CNN3: variants seen among roughly 807,000 people sequenced by gnomAD.
The protein encoded by CNN3 is calponin-3.
A neutral mutation model predicts 39.0 loss-of-function variants in CNN3; 11 were observed. The ratio of observed to expected loss-of-function variants is 0.28; its 90% CI spans 0.18 to 0.47. The LOEUF (loss-of-function observed/expected upper bound fraction) is 0.47. CNN3 is among the 20% of genes least tolerant of loss of function. The probability of loss-of-function intolerance (pLI) is 0.99; values close to 1 mark genes in which losing one functional copy is unlikely to be tolerated. For synonymous variants in CNN3, 101 were observed against 138.3 expected (o/e 0.73, Z 1.89); for missense variants, 266 against 403.4 (o/e 0.66, Z 2.92).
At chr1:94,918,175 A>T (rs553453540) in intron 1 of CNN3, among the ~76,000 whole-genome samples, 92 of 152,300 alleles carry the variant, frequency 6.0e-4, no homozygotes, top group African/African-American at 2.2e-3. Flanking sequence ...ACTAATGCAC[A>T]TGAATATATT....
At chr1:94,902,470 A>C (rs762170425) in intron 3 of CNN3, among the ~76,000 whole-genome samples, 2 of 152,172 alleles carry the variant, frequency 1.3e-5, no homozygotes, top group Non-Finnish European at 2.9e-5. Context: ...TCACAGTCTT[A>C]ATATTTTTAA....
At chr1:94,924,241 GC>G (rs1160033191) in intron 1 of CNN3, 10 of 152,170 alleles carry the variant, frequency 6.6e-5, no homozygotes, top group African/African-American at 2.4e-4. Context: ...AGCAAACATG[GC>G]TATTTGATTC....
intron 1 of CNN3, among the ~76,000 whole-genome samples, chr1:94,924,890 G>A (rs537955746): frequency 1.3e-5 from 2 of 152,274 alleles, no homozygotes; most frequent in African/African-American, 4.8e-5. Flanking sequence ...CTGTCTGAAA[G>A]GACTACAAAA....
chr1:94,907,726 G>A (rs928081157), intron 1 of CNN3, among the ~76,000 whole-genome samples: 3 of 152,196 alleles, frequency 2.0e-5, no homozygotes, highest in Admixed American at 6.5e-5. Flanking sequence ...CGGGTGTGGT[G>A]GCGGGCGCCT....
chr1:94,907,735 C>T (rs996042123), intron 1 of CNN3, among the ~76,000 whole-genome samples: 14 of 152,190 alleles, frequency 9.2e-5, no homozygotes, highest in Admixed American at 2.6e-4. Flanking sequence ...TGGCGGGCGC[C>T]TGTAGTCCCA....
intron 3 of CNN3, 103 bp downstream of exon 3, chr1:94,903,018 TA>T (rs372027375): frequency 0.11 from 62,730 of 590,326 alleles, 1 homozygote; most frequent in East Asian, 0.17. Context: ...ATCAAAAAGT[TA>T]AAAAAAAAAA....
chr1:94,919,878 C>G (rs997173905), intron 1 of CNN3, among the ~76,000 whole-genome samples: 14 of 152,096 alleles, frequency 9.2e-5, no homozygotes, highest in African/African-American at 3.1e-4. Context: ...TGGTCCCTCC[C>G]TACCTTGTGG....
Position 94,926,307 on chromosome 1 carries a change from C to A in CNN3, c.57+531G>T, listed in dbSNP as rs879499419. Among the ~76,000 whole-genome samples, 2 of 152,206 alleles carry A rather than the reference C, an allele frequency of 1.3e-5. No individual in the cohort carries two copies. Among genetic ancestry groups the A allele is most frequent in the Non-Finnish European group, 2.9e-5 (2 of 68,034 alleles). On this transcript the variant is annotated intron_variant, in intron 1 of 6. Transcript: ENST00000370206. The surrounding 1 kb of genome is among the most constrained non-coding windows in gnomAD (Gnocchi z 4.2). ...CGAGATCGGAGACTGTGATGGGTCC[C>A]GGACCGGCTTCCGTTCCTCGGGGCC... is the stretch of plus-strand genomic sequence containing the variant.
At chr1:94,909,057 G>A (rs2101727267) in intron 1 of CNN3, among the ~76,000 whole-genome samples, 1 of 152,192 alleles carries the variant, frequency 6.6e-6, no homozygotes, top group East Asian at 1.9e-4. Flanking sequence ...CAAGGCAGGA[G>A]GATTGCTTGA....
intron 1 of CNN3, among the ~76,000 whole-genome samples, chr1:94,909,103 T>C (rs1043275571): frequency 1.3e-5 from 2 of 152,080 alleles, no homozygotes; most frequent in African/African-American, 4.8e-5. Context: ...CTGATAATCA[T>C]GTCACTGCAC....
chr1:94,912,455 C>A (rs1671188599), intron 1 of CNN3, among the ~76,000 whole-genome samples: 1 of 152,184 alleles, frequency 6.6e-6, no homozygotes, highest in Non-Finnish European at 1.5e-5. Flanking sequence ...GGCTGAAGAG[C>A]CCGGCAGGCG....
intron 1 of CNN3, chr1:94,924,332 G>A (rs1295239390): frequency 6.6e-6 from 1 of 152,382 alleles, no homozygotes; most frequent in African/African-American, 2.4e-5. Flanking sequence ...GCAAAAATGG[G>A]AGGAAGGGCT....
Position 94,903,505 on chromosome 1 carries a change from T to C in CNN3, c.77A>G (p.His26Arg), listed in dbSNP as rs772680771. The change falls in exon 2 of 7, where the codon CAT becomes CGT. Residue 26 changes from histidine (H) to arginine (R), a missense_variant. Transcript: ENST00000370206. ...VKNKIASKYD[H>R]QAEEDLRNWI... ...ATTGCGAAGATCTTCTTCTGCCTGA[T>C]GATCATACTTGGAAGCAATCTGAAA... 2 of 1,614,064 alleles carry C rather than the reference T, an allele frequency of 1.2e-6. No individual in the cohort carries two copies. The highest frequency in any genetic ancestry group is 1.7e-6 in the Non-Finnish European group (2 of 1,179,984).
intron 5 of CNN3, among the ~76,000 whole-genome samples, 153 bp downstream of exon 5, chr1:94,901,516 T>C (rs1670867773): frequency 6.7e-6 from 1 of 149,894 alleles, no homozygotes; most frequent in African/African-American, 2.5e-5. Flanking sequence ...CACTGTCTTA[T>C]GGGCTTTATA....
Position 94,926,391 on chromosome 1 carries a change from C to T in CNN3, c.57+447G>A, listed in dbSNP as rs1245881694. Among the ~76,000 whole-genome samples, 1 of 152,222 alleles carries T rather than the reference C, an allele frequency of 6.6e-6. No homozygotes were observed. Among genetic ancestry groups the T allele is most frequent in the Non-Finnish European group, 1.5e-5 (1 of 68,032 alleles). On this transcript the variant is annotated intron_variant, in intron 1 of 6. Transcript: ENST00000370206. This position sits in a 1 kb window ranked among gnomAD's most constrained non-coding sequence, Gnocchi z 4.2. ...CCCCGTGGGGAGGCGCGGAGTCCGC[C>T]AGCACCCGGGGCCCGGGCAGATGGC...
chr1:94,915,439 G>T (rs111970226), intron 1 of CNN3, among the ~76,000 whole-genome samples: 19 of 152,148 alleles, frequency 1.2e-4, no homozygotes, highest in African/African-American at 4.3e-4. Context: ...AGTCTGCAAG[G>T]ATCTTATGAT....
In CNN3 at chr1:94,926,345, G is replaced by T. The variant is rs144754239; in HGVS notation, c.57+493C>A. Reference sequence around the variant, plus strand: ...GTTCCTCGGGGCCCCTGGGGTCGGCGGGACATTAGGCGGTCTCTCTCCCCG... The same window carrying T: ...GTTCCTCGGGGCCCCTGGGGTCGGCTGGACATTAGGCGGTCTCTCTCCCCG... On this transcript the variant is annotated intron_variant, in intron 1 of 6. Transcript: ENST00000370206. The surrounding 1 kb of genome is among the most constrained non-coding windows in gnomAD (Gnocchi z 4.2). Among the ~76,000 whole-genome samples the T allele has an allele frequency of 2.0e-3, 306 of 152,268 alleles. 3 individuals carry two copies. The highest frequency in any genetic ancestry group is 7.0e-3 in the African/African-American group (292 of 41,578).
intron 1 of CNN3, among the ~76,000 whole-genome samples, chr1:94,918,992 ACATG>A (rs1671365493): frequency 6.6e-6 from 1 of 151,542 alleles, no homozygotes; most frequent in African/African-American, 2.4e-5. Flanking sequence ...ACCTCCTGCC[ACATG>A]CATGTTTTTT....
intron 1 of CNN3, among the ~76,000 whole-genome samples, chr1:94,919,260 G>A (rs1410536535): frequency 2.6e-5 from 4 of 152,164 alleles, no homozygotes; most frequent in Non-Finnish European, 4.4e-5. Flanking sequence ...CTAGCCATAG[G>A]TGGACTCTAA....
Sources: gnomAD v4.1 joint callset for allele counts (sites outside exome capture counted in the v4.1 genomes callset) on GRCh38, gnomAD v4.1.1 for gene constraint, Gnocchi (gnomAD v3.1) non-coding constraint, MANE v1.5 for transcripts, NCBI Gene and HGNC (gene_info 2026-07-23, HGNC 2026-07-21) for gene names.